The following ZNF611 variants were observed in gnomAD, a reference collection of about 807,000 sequenced individuals.
ZNF611 encodes the protein zinc finger protein 611.
ZNF611 carries 6 observed loss-of-function variants against 8.9 expected under a neutral mutation model. That is an observed-to-expected ratio of 0.68 (90% CI 0.37 to 1.34). ZNF611 has a LOEUF of 1.34. Ranked by LOEUF, ZNF611 falls within the 40% of genes most tolerant of loss-of-function variation. The probability of loss-of-function intolerance (pLI) is 0.02; values close to 1 mark genes in which losing one functional copy is unlikely to be tolerated. For missense variants in ZNF611, 874 were observed against 841.3 expected, an observed-to-expected ratio of 1.04 and a Z score of -0.48; for synonymous variants, 262 against 279.7, an observed-to-expected ratio of 0.94 and a Z score of 0.63.
At chr19:52,727,415 C>G (rs528369892) in intron 3 of ZNF611, among the ~76,000 whole-genome samples, 7 of 152,250 alleles carry the variant, frequency 4.6e-5, no homozygotes, top group African/African-American at 1.4e-4. Context: ...AAGATAAACA[C>G]TAATCAGTCC....
At position 52,714,022 on chromosome 19, in the gene ZNF611, C is replaced by T. The variant is rs146947804; in HGVS notation, c.183G>A (p.Glu61=). Residue 61 remains glutamate, a synonymous_variant, in exon 5 of 6, where the codon GAG becomes GAA. Transcript: ENST00000652185. The part of the protein sequence containing the change: ...EVMLENYRNL[E]AVDISSKCMM... ...CAGGGACATTTTCCTCACCCACAGC[C>T]TCCAGGTTCCTGTAGTTCTCCAACA... 1.1e-4 allele frequency: 170 copies of T among 1,614,154 alleles called. 1 individual carries two copies. The African/African-American group carries it at 1.5e-3, about 14-fold the overall frequency.
intron 1 of ZNF611, among the ~76,000 whole-genome samples, chr19:52,733,232 A>G (rs946867449): frequency 1.3e-5 from 2 of 152,198 alleles, no homozygotes; most frequent in Non-Finnish European, 2.9e-5. Context: ...GATTATATAT[A>G]CAGAACTCAA....
Position 52,710,165 on chromosome 19 carries a change from T to C in ZNF611, c.191-3301A>G, listed in dbSNP as rs563189234. Reference sequence around the variant, plus strand: ...GGCACGATTCTCCTACCTAAAGAGATTCTCATGCCTCAGCCTCTTGAGTAG... The same window carrying C: ...GGCACGATTCTCCTACCTAAAGAGACTCTCATGCCTCAGCCTCTTGAGTAG... On this transcript the variant is annotated intron_variant, in intron 5 of 5. Transcript: ENST00000652185. Among the ~76,000 whole-genome samples, 7 of 152,156 alleles carry C rather than the reference T, an allele frequency of 4.6e-5. No individual in the cohort carries two copies. The South Asian group carries it at 1.5e-3, about 32-fold the overall frequency.
intron 3 of ZNF611, among the ~76,000 whole-genome samples, chr19:52,719,711 C>G (rs1005452174): frequency 3.9e-5 from 6 of 152,154 alleles, no homozygotes; most frequent in Non-Finnish European, 8.8e-5. Flanking sequence ...TGCATTTCCC[C>G]CTGGACTTCT....
Position 52,706,590 on chromosome 19 carries a change from C to G in ZNF611, c.465G>C (p.Gln155His), listed in dbSNP as rs1333895477. The G allele has an allele frequency of 6.2e-7, 1 of 1,614,146 alleles. No individual in the cohort carries two copies. The highest frequency in any genetic ancestry group is 1.1e-5 in the South Asian group (1 of 91,086). ...RHAGNKPIKD[Q>H]LGSSFYSHLP... is the part of the protein sequence containing the mutation. Reference sequence around the variant, plus strand: ...GATGTGAATAAAAGCTTGATCCAAGCTGATCTTTAATAGGCTTGTTTCCAG... The same window carrying G: ...GATGTGAATAAAAGCTTGATCCAAGGTGATCTTTAATAGGCTTGTTTCCAG... The change falls in exon 6 of 6, where the codon CAG (glutamine) becomes CAC (histidine). Residue 155 changes from glutamine (Q) to histidine (H), a missense_variant. Physicochemically the swap from Gln to His is conservative, Grantham distance 24 (BLOSUM62 0). Coordinates refer to ENST00000652185, the MANE Select transcript of ZNF611 (RefSeq NM_001161499.2).
At chr19:52,723,260 T>G (rs1166318140) in intron 3 of ZNF611, among the ~76,000 whole-genome samples, 8 of 147,838 alleles carry the variant, frequency 5.4e-5, no homozygotes, top group Non-Finnish European at 1.0e-4. Context: ...AACCTTTTTT[T>G]TTTTTTTTTT....
rs2062237130 is a variant in ZNF611 at position 52,705,736 on chromosome 19, G to T, written c.1319C>A (p.Ser440Tyr). Residue 440 changes from serine (S) to tyrosine (Y), a missense_variant, in exon 6 of 6, where the codon TCC becomes TAC. Ser to Tyr is a moderately radical substitution (Grantham distance 144). Coordinates refer to ENST00000652185, the MANE Select transcript of ZNF611 (RefSeq NM_001161499.2). ...ECGKTFSHKS[S>Y]LVCHHRLHGG... is the part of the protein sequence containing the mutation. ...ATGAAGTCTATGATGGCATACAAGG[G>T]ATGACTTGTGACTGAAGGTCTTGCC... 1.2e-6 allele frequency: 2 copies of T among 1,613,736 alleles called. No homozygotes were observed. Among genetic ancestry groups the T allele is most frequent in the South Asian group, 1.1e-5 (1 of 91,034 alleles).
In ZNF611 at chr19:52,705,333, G is replaced by A. The variant is rs1340392185; in HGVS notation, c.1722C>T (p.Thr574=). 1 of 1,613,890 alleles carries A rather than the reference G, an allele frequency of 6.2e-7. No individual in the cohort carries two copies. The highest frequency in any genetic ancestry group is 2.2e-5 in the East Asian group (1 of 44,838). ...ATACAAGGTATGACCTGTGACTGAA[G>A]GTCTTGCTGCACTCATTACACTTGT... is the stretch of plus-strand genomic sequence containing the variant. ...KPYKCNECSK[T]FSHRSYLVCH... The change falls in exon 6 of 6, where the codon ACC becomes ACT. Residue 574 remains threonine (T), a synonymous_variant. Coordinates refer to ENST00000652185, the MANE Select transcript of ZNF611 (RefSeq NM_001161499.2).
chr19:52,732,686 C>T (rs1248276409), intron 1 of ZNF611, among the ~76,000 whole-genome samples: 3 of 151,324 alleles, frequency 2.0e-5, no homozygotes, highest in Non-Finnish European at 2.9e-5. Context: ...TAATCCCACC[C>T]GTAATCCCAG....
At chr19:52,733,858 T>TC (rs1191457199) in intron 1 of ZNF611, among the ~76,000 whole-genome samples, 5 of 151,934 alleles carry the variant, frequency 3.3e-5, no homozygotes, top group African/African-American at 1.2e-4. Flanking sequence ...GTCCTCAATC[T>TC]CCATCTATTT....
rs1373034876 is a variant in ZNF611, at chr19:52,703,650, G to A, written c.*1287C>T. 7.0e-6 allele frequency: 1 copy of A among 142,906 alleles called. No individual in the cohort carries two copies. The highest frequency in any genetic ancestry group is 1.5e-5 in the Non-Finnish European group (1 of 66,934). 8.9% of individuals were successfully genotyped at this position (142,906 alleles called of 1,614,324 possible). On this transcript the variant is annotated 3_prime_UTR_variant, in exon 6 of 6. Coordinates refer to ENST00000652185, the MANE Select transcript of ZNF611 (RefSeq NM_001161499.2). ...TCTGTCGCCCAGGCTGGAGCCCAGTGGTGCGATCTCGACTCCCTGCAAGCT... is the reference window on the plus strand; with the variant it reads ...TCTGTCGCCCAGGCTGGAGCCCAGTAGTGCGATCTCGACTCCCTGCAAGCT...
chr19:52,703,614 T>C lies in ZNF611; in HGVS notation c.*1323A>G, dbSNP rs911774340. Reference sequence around the variant, plus strand: ...CTTTTTTTTTTTTTTTTTTTTGAGATAGACTCTCACTCTGTCGCCCAGGCT... The same window carrying C: ...CTTTTTTTTTTTTTTTTTTTTGAGACAGACTCTCACTCTGTCGCCCAGGCT... On this transcript the variant is annotated 3_prime_UTR_variant, in exon 6 of 6. Transcript: ENST00000652185. 1 of 126,126 alleles carries C rather than the reference T, an allele frequency of 7.9e-6. No individual in the cohort carries two copies. Among genetic ancestry groups the C allele is most frequent in the Non-Finnish European group, 1.6e-5 (1 of 61,462 alleles). 7.8% of individuals were successfully genotyped at this position (126,126 alleles called of 1,614,324 possible). A position where few individuals can be genotyped will look rare whatever the true frequency, so the allele number is the denominator to read the frequency against.
At chr19:52,713,529 G>C (rs939733020) in intron 5 of ZNF611, among the ~76,000 whole-genome samples, 1 of 152,168 alleles carries the variant, frequency 6.6e-6, no homozygotes, top group Non-Finnish European at 1.5e-5. Context: ...GCTTAGAGAA[G>C]ATGATCATTA....
chr19:52,715,349 G>A (rs777605453), intron 4 of ZNF611, among the ~76,000 whole-genome samples: 36 of 151,840 alleles, frequency 2.4e-4, no homozygotes, highest in Admixed American at 1.0e-3. Flanking sequence ...CCAATACTGG[G>A]GAGGCTGAGG....
chr19:52,720,009 G>A (rs1482558026), intron 3 of ZNF611, among the ~76,000 whole-genome samples: 1 of 152,108 alleles, frequency 6.6e-6, no homozygotes, highest in African/African-American at 2.4e-5. Context: ...GTTTAACAAA[G>A]CACATCTTGC....
At chr19:52,712,456 T>TAAAAAAAAAAAAAAAAAAA (rs55649603) in intron 5 of ZNF611, among the ~76,000 whole-genome samples, 1 of 37,436 alleles carries the variant, frequency 2.7e-5, no homozygotes, top group African/African-American at 1.1e-4. Flanking sequence ...CTGTCTCTAC[T>TAAAAAAAAAAAAAAAAAAA]AAAAAAAAAA....
At chr19:52,709,585 G>C (rs935743855) in intron 5 of ZNF611, among the ~76,000 whole-genome samples, 1 of 145,070 alleles carries the variant, frequency 6.9e-6, no homozygotes, top group African/African-American at 2.6e-5. Flanking sequence ...ATTTATTTTT[G>C]AGACAGAATT....
Position 52,706,695 on chromosome 19 carries a change from ATCT to A in ZNF611, c.357_359del (p.Glu119del), listed in dbSNP as rs2062248013. ...TGGGTGCTTCAAGGCCATTTCTTTC[ATCT>A]TCTTGACACTGAAACTCAATGTCAT... On this transcript the variant is annotated inframe_deletion, in exon 6 of 6. Transcript: ENST00000652185. 6.2e-7 allele frequency: 1 copy of A among 1,613,956 alleles called. No individual in the cohort carries two copies. The highest frequency in any genetic ancestry group is 8.5e-7 in the Non-Finnish European group (1 of 1,179,998).
chr19:52,720,004 A>G (rs2062344018), intron 3 of ZNF611, among the ~76,000 whole-genome samples: 1 of 152,152 alleles, frequency 6.6e-6, no homozygotes, highest in Non-Finnish European at 1.5e-5. Flanking sequence ...CATCTGTTTA[A>G]CAAAGCACAT....
Sources: gnomAD v4.1 joint callset for allele counts (sites outside exome capture counted in the v4.1 genomes callset) on GRCh38, gnomAD v4.1.1 for gene constraint, MANE v1.5 for transcripts, NCBI Gene and HGNC (gene_info 2026-07-23, HGNC 2026-07-21) for gene names.